Variants in PLXNC1 observed in about 807,000 individuals in gnomAD.
PLXNC1 encodes plexin-C1.
In PLXNC1, 75 loss-of-function variants were observed where a neutral mutation model predicts 178.2. That is an observed-to-expected ratio of 0.42 (90% CI 0.35 to 0.51). The LOEUF (loss-of-function observed/expected upper bound fraction) is 0.51, where lower values mean the gene tolerates loss of function less well. Ranked by LOEUF, PLXNC1 falls within the 20% of genes least tolerant of loss-of-function variation. PLXNC1 has a pLI of 0.02. For synonymous variants in PLXNC1, 790 were observed against 779.9 expected (o/e 1.01, Z -0.22); for missense variants, 1,503 against 1,984.4 (o/e 0.76, Z 4.61).
At chr12:94,270,341 G>A (rs533406097) in intron 21 of PLXNC1, among the ~76,000 whole-genome samples, 2 of 152,342 alleles carry the variant, frequency 1.3e-5, no homozygotes, top group East Asian at 3.9e-4. Flanking sequence ...ACAGTGCAGA[G>A]TGGAGTAGTT....
intron 9 of PLXNC1, among the ~76,000 whole-genome samples, chr12:94,233,439 T>C (rs756133438): frequency 7.2e-5 from 11 of 152,174 alleles, no homozygotes; most frequent in Non-Finnish European, 1.3e-4. Flanking sequence ...CTCAGAAGGC[T>C]CAAATGCCAA....
At chr12:94,205,780 C>CAAAT (rs1963280847) in intron 4 of PLXNC1, among the ~76,000 whole-genome samples, 1 of 152,208 alleles carries the variant, frequency 6.6e-6, no homozygotes, top group Non-Finnish European at 1.5e-5. Flanking sequence ...CTGGGGTCCC[C>CAAAT]ATCCCTGTGT....
intron 3 of PLXNC1, among the ~76,000 whole-genome samples, chr12:94,185,382 A>G (rs1460274398): frequency 6.6e-6 from 1 of 152,236 alleles, no homozygotes; most frequent in Non-Finnish European, 1.5e-5. Context: ...TATTTATACT[A>G]TCTAGCATGT....
intron 5 of PLXNC1, among the ~76,000 whole-genome samples, chr12:94,211,914 G>A (rs982080777): frequency 3.3e-5 from 5 of 152,226 alleles, no homozygotes; most frequent in Non-Finnish European, 7.3e-5. Flanking sequence ...AAACAAGGTT[G>A]TAAACATGGG....
intron 4 of PLXNC1, among the ~76,000 whole-genome samples, chr12:94,187,011 A>G (rs1434235844): frequency 6.6e-6 from 1 of 152,234 alleles, no homozygotes; most frequent in African/African-American, 2.4e-5. Flanking sequence ...CTCACGACCC[A>G]TCTAGGCTCA....
At chr12:94,162,972 CG>C (rs1961445595) in intron 1 of PLXNC1, among the ~76,000 whole-genome samples, 3 of 152,064 alleles carry the variant, frequency 2.0e-5, no homozygotes, top group African/African-American at 7.2e-5. Context: ...CTAGAAGTCC[CG>C]CATCACACAG....
chr12:94,203,124 T>C (rs1488732893), intron 4 of PLXNC1, among the ~76,000 whole-genome samples: 1 of 152,032 alleles, frequency 6.6e-6, no homozygotes, highest in Non-Finnish European at 1.5e-5. Flanking sequence ...TAGAATTCGT[T>C]TGGGTACAAG....
chr12:94,301,095 A>C, intron 28 of PLXNC1, 38 bp downstream of exon 28: 1 of 1,593,998 alleles, frequency 6.3e-7, no homozygotes, highest in Non-Finnish European at 8.6e-7. Context: ...ATGCAGTCTT[A>C]TGAGTTTGAC....
At chr12:94,186,623 A>G in intron 4 of PLXNC1, 150 bp downstream of exon 4, 1 of 604,940 alleles carries the variant, frequency 1.7e-6, no homozygotes, top group South Asian at 1.8e-5. Flanking sequence ...ATCCTAATGA[A>G]TTCTCGAAGG....
At chr12:94,293,588 A>G (rs1463502592) in intron 23 of PLXNC1, among the ~76,000 whole-genome samples, 1 of 152,138 alleles carries the variant, frequency 6.6e-6, no homozygotes, top group Non-Finnish European at 1.5e-5. Flanking sequence ...AGTGGAAAGC[A>G]GAGGGGACCA....
rs766207889 is a variant in PLXNC1 at position 94,305,236 on chromosome 12, T to TGCATGTAAAAGTCTTATTTGATGA, written c.4659_4682dup (p.His1554_Glu1561dup). Reference sequence around the variant, plus strand: ...CTGGAAGAAGCTCAGAAACAACTCTTGCATGTAAAAGTCTTATTTGATGAA... The same window carrying TGCATGTAAAAGTCTTATTTGATGA: ...CTGGAAGAAGCTCAGAAACAACTCTTGCATGTAAAAGTCTTATTTGATGAGCATGTAAAAGTCTTATTTGATGAA... On this transcript the variant is annotated inframe_insertion, in exon 31 of 31. Coordinates refer to ENST00000258526, the MANE Select transcript of PLXNC1 (RefSeq NM_005761.3). 18 of 1,611,770 alleles carry TGCATGTAAAAGTCTTATTTGATGA rather than the reference T, an allele frequency of 1.1e-5. No individual in the cohort carries two copies. The highest frequency in any genetic ancestry group is 1.4e-5 in the Non-Finnish European group (17 of 1,178,416).
rs3037618 is a variant in PLXNC1 at position 94,164,447 on chromosome 12, G to GCCCAAA, written c.1063-4704_1063-4703insCAAACC. On this transcript the variant is annotated intron_variant, in intron 1 of 30. Transcript: ENST00000258526. ...GCTGGAGCATGGCTGTGAGCACCCT[G>GCCCAAA]CCTCGATGAGCCGGGCCATCTTTCA... Among the ~76,000 whole-genome samples, 7 of 151,628 alleles carry GCCCAAA rather than the reference G, an allele frequency of 4.6e-5. No homozygotes were observed. The South Asian group carries it at 1.2e-3, about 27-fold the overall frequency.
chr12:94,198,275 C>T (rs186172346), intron 4 of PLXNC1, among the ~76,000 whole-genome samples: 1 of 152,102 alleles, frequency 6.6e-6, no homozygotes, highest in Non-Finnish European at 1.5e-5. Flanking sequence ...AGCAAACTAA[C>T]GCAGGAACAG....
chr12:94,206,922 G>T (rs1290638211), intron 4 of PLXNC1, among the ~76,000 whole-genome samples: 1 of 152,090 alleles, frequency 6.6e-6, no homozygotes, highest in African/African-American at 2.4e-5. Flanking sequence ...TTATGCACTT[G>T]ACCGTTGCTC....
chr12:94,239,237 G>A (rs1964316799), intron 10 of PLXNC1, among the ~76,000 whole-genome samples: 1 of 152,194 alleles, frequency 6.6e-6, no homozygotes, highest in Admixed American at 6.5e-5. Context: ...CTATACCTGA[G>A]CCCAGGCTGT....
chr12:94,250,611 T>C (rs1444843476), intron 14 of PLXNC1, among the ~76,000 whole-genome samples: 1 of 152,190 alleles, frequency 6.6e-6, no homozygotes, highest in Non-Finnish European at 1.5e-5. Context: ...ATGTAGAGTT[T>C]TTCCCTTGAC....
chr12:94,269,798 C>T (rs985150849), intron 21 of PLXNC1, among the ~76,000 whole-genome samples: 17 of 152,216 alleles, frequency 1.1e-4, no homozygotes, highest in Admixed American at 3.3e-4. Context: ...TGCAATAGTA[C>T]TGAAACCATT....
chr12:94,185,267 A>T (rs1373602965), intron 3 of PLXNC1, among the ~76,000 whole-genome samples: 1 of 152,218 alleles, frequency 6.6e-6, no homozygotes, highest in Non-Finnish European at 1.5e-5. Flanking sequence ...GTCAACTTGG[A>T]ACTGAAGGAT....
intron 1 of PLXNC1, among the ~76,000 whole-genome samples, chr12:94,163,252 G>A (rs952530395): frequency 3.9e-5 from 6 of 152,014 alleles, no homozygotes; most frequent in Non-Finnish European, 5.9e-5. Flanking sequence ...TAGCTACTCC[G>A]GAGGCTGAGG....
Sources: allele counts gnomAD v4.1 joint callset (sites outside exome capture counted in the v4.1 genomes callset), GRCh38; gene constraint gnomAD v4.1.1; transcripts MANE v1.5; gene names NCBI Gene and HGNC (gene_info 2026-07-23, HGNC 2026-07-21).